The following CCDC102B variants were observed in gnomAD, a reference collection of about 807,000 sequenced individuals.
CCDC102B encodes coiled-coil domain-containing protein 102B.
Under a neutral mutation model 57.4 loss-of-function variants are expected in CCDC102B, and 75 were observed. The observed-to-expected ratio is 1.31, with a 90% CI of 1.08 to 1.58. CCDC102B has a LOEUF of 1.58. Ranked by LOEUF, CCDC102B falls within the 40% of genes most tolerant of loss-of-function variation. CCDC102B has a pLI of 0.00. For missense variants in CCDC102B, 636 were observed against 582.6 expected, an observed-to-expected ratio of 1.09 and a Z score of -0.94; for synonymous variants, 206 against 201.9, an observed-to-expected ratio of 1.02 and a Z score of -0.17.
chr18:68,777,154 G>C (rs17079696), intron 2 of CCDC102B, among the ~76,000 whole-genome samples: 10,247 of 152,156 alleles, frequency 0.067, 659 homozygotes, highest in African/African-American at 0.17. Flanking sequence ...CTGCAAACTC[G>C]TAACAGGTTC....
At chr18:68,968,000 A>G in intron 6 of CCDC102B, among the ~76,000 whole-genome samples, 1 of 152,204 alleles carries the variant, frequency 6.6e-6, no homozygotes, top group East Asian at 1.9e-4. Context: ...GTCAAAATTC[A>G]TAAGGCAAAT....
chr18:68,874,959 C>A (rs2039386876), intron 5 of CCDC102B, 174 bp downstream of exon 5: 10 of 465,948 alleles, frequency 2.1e-5, no homozygotes, highest in Non-Finnish European at 1.9e-5. Context: ...ATGACATTGG[C>A]CCATAACTAG....
chr18:68,764,022 T>C (rs1222740610), intron 2 of CCDC102B, among the ~76,000 whole-genome samples: 1 of 152,072 alleles, frequency 6.6e-6, no homozygotes, highest in Non-Finnish European at 1.5e-5. Context: ...AATCAGGAAA[T>C]TGAGAGAATT....
intron 2 of CCDC102B, among the ~76,000 whole-genome samples, chr18:68,786,435 G>A (rs1274837001): frequency 2.2e-5 from 3 of 135,820 alleles, no homozygotes; most frequent in Non-Finnish European, 3.1e-5. Context: ...CCATTTTCAC[G>A]ATATTGATTC....
chr18:69,049,414 A>G (rs897915643), intron 7 of CCDC102B, among the ~76,000 whole-genome samples: 1 of 152,126 alleles, frequency 6.6e-6, no homozygotes, highest in African/African-American at 2.4e-5. Flanking sequence ...AAATACTGAA[A>G]TTATTGGTTT....
chr18:68,769,703 C>CA (rs926073252), intron 2 of CCDC102B, among the ~76,000 whole-genome samples: 169 of 143,858 alleles, frequency 1.2e-3, no homozygotes, highest in Admixed American at 7.0e-3. Flanking sequence ...TATGAGTTAC[C>CA]AAAAAAAAAA....
At chr18:68,978,167 C>T (rs1301382172) in intron 6 of CCDC102B, among the ~76,000 whole-genome samples, 1 of 151,986 alleles carries the variant, frequency 6.6e-6, no homozygotes, top group Non-Finnish European at 1.5e-5. Flanking sequence ...GCCCTGGGCA[C>T]CAGATTGCCT....
In CCDC102B at chr18:68,897,313, T is replaced by C. The variant is rs762617164; in HGVS notation, c.1148T>C (p.Leu383Pro). Residue 383 changes from leucine (L) to proline (P), a missense_variant, in exon 6 of 8, where the codon CTG becomes CCG. Coordinates refer to ENST00000360242, the MANE Select transcript of CCDC102B (RefSeq NM_024781.3). The stretch of plus-strand genomic sequence containing the variant: ...GGACTGGAGAGAGAAAATAGAAGGC[T>C]GAAGATCCAGGTGAAAGAAATGGAA... Reference protein sequence around the residue: ...KQGLERENRRLKIQVKEMEEL... With the variant: ...KQGLERENRRPKIQVKEMEEL... 1 of 1,612,986 alleles carries C rather than the reference T, an allele frequency of 6.2e-7. No individual in the cohort carries two copies. The highest frequency in any genetic ancestry group is 8.5e-7 in the Non-Finnish European group (1 of 1,179,214).
intron 6 of CCDC102B, among the ~76,000 whole-genome samples, chr18:68,936,794 C>A (rs1293985450): frequency 4.0e-5 from 6 of 150,232 alleles, no homozygotes; most frequent in Admixed American, 1.3e-4. Flanking sequence ...TATATACATA[C>A]ACATATATAC....
At chr18:68,785,539 A>G (rs1599457113) in intron 2 of CCDC102B, among the ~76,000 whole-genome samples, 1 of 151,504 alleles carries the variant, frequency 6.6e-6, no homozygotes, top group East Asian at 1.9e-4. Context: ...GTGAGATGGT[A>G]TCTCACTGTG....
intron 2 of CCDC102B, among the ~76,000 whole-genome samples, chr18:68,762,644 A>G (rs1249784673): frequency 6.6e-6 from 1 of 152,152 alleles, no homozygotes; most frequent in East Asian, 1.9e-4. Context: ...CTTAATAAGG[A>G]AAGAAAAAAG....
At chr18:68,795,263 T>A (rs1425416501), upstream of CCDC102B, among the ~76,000 whole-genome samples, 1 of 152,108 alleles carries the variant, frequency 6.6e-6, no homozygotes. Context: ...AGAGCTTTGA[T>A]GATTGGAGAT....
intron 6 of CCDC102B, among the ~76,000 whole-genome samples, chr18:68,910,592 T>C (rs1016116161): frequency 6.6e-6 from 1 of 152,222 alleles, no homozygotes; most frequent in African/African-American, 2.4e-5. Flanking sequence ...TAGACAGGGC[T>C]GAGGACACAC....
intron 6 of CCDC102B, among the ~76,000 whole-genome samples, chr18:68,961,615 A>G (rs1278637454): frequency 6.6e-6 from 1 of 152,030 alleles, no homozygotes; most frequent in Non-Finnish European, 1.5e-5. Flanking sequence ...TGCACCTATA[A>G]AATGTCATGG....
chr18:68,982,626 GT>G (rs977871815), intron 6 of CCDC102B, among the ~76,000 whole-genome samples: 49 of 151,248 alleles, frequency 3.2e-4, no homozygotes, highest in African/African-American at 1.1e-3. Context: ...TTAGTACATT[GT>G]TTTTTTTAAT....
At position 68,864,590 on chromosome 18, in the gene CCDC102B, C is replaced by G. The variant is rs189183039; in HGVS notation, c.937-10079C>G. 2.6e-5 allele frequency among the ~76,000 whole-genome samples: 4 copies of G among 151,926 alleles called. No individual in the cohort carries two copies. The East Asian group carries it at 7.8e-4, about 29-fold the overall frequency. ...GTTTCAAATGCACTAAAAATTAGTT[C>G]TGTTTTTCTATTTCTATAGTGGGCA... On this transcript the variant is annotated intron_variant, in intron 4 of 7. Transcript: ENST00000360242.
intron 2 of CCDC102B, among the ~76,000 whole-genome samples, chr18:68,731,563 G>T (rs2032863566): frequency 6.6e-6 from 1 of 151,752 alleles, no homozygotes; most frequent in Non-Finnish European, 1.5e-5. Flanking sequence ...CCCATCTGAG[G>T]TTCCATTGCC....
intron 2 of CCDC102B, among the ~76,000 whole-genome samples, chr18:68,761,937 T>A (rs747553445): frequency 1.3e-5 from 2 of 152,168 alleles, no homozygotes; most frequent in Non-Finnish European, 2.9e-5. Context: ...TCTGTTTCTC[T>A]TCTTCATTTT....
intron 6 of CCDC102B, among the ~76,000 whole-genome samples, chr18:68,978,752 T>C (rs764469558): frequency 2.0e-5 from 3 of 152,194 alleles, no homozygotes; most frequent in Non-Finnish European, 4.4e-5. Context: ...TCATTATTCA[T>C]CAAGTGATTA....
Sources: allele counts gnomAD v4.1 joint callset (sites outside exome capture counted in the v4.1 genomes callset), GRCh38; gene constraint gnomAD v4.1.1; transcripts MANE v1.5; gene names NCBI Gene and HGNC (gene_info 2026-07-23, HGNC 2026-07-21).